Variants in ALKAL2 observed in about 807,000 individuals in gnomAD.
ALKAL2 encodes the protein AUG-alpha.
A neutral mutation model predicts 18.5 loss-of-function variants in ALKAL2; 8 were observed. The ratio of observed to expected loss-of-function variants is 0.43; its 90% CI spans 0.25 to 0.78. The LOEUF (loss-of-function observed/expected upper bound fraction) is 0.78. ALKAL2 is among the 30% of genes least tolerant of loss of function. The pLI, the probability that ALKAL2 is intolerant of heterozygous loss-of-function variation, is 0.22. For synonymous variants in ALKAL2, 135 were observed against 95.8 expected, an observed-to-expected ratio of 1.41 and a Z score of -2.39; for missense variants, 241 against 211.2, an observed-to-expected ratio of 1.14 and a Z score of -0.88.
Position 280,160 on chromosome 2 carries a change from CAA to C in ALKAL2, c.454-10_454-9del. The C allele has an allele frequency of 6.2e-7, 1 of 1,613,970 alleles. No individual in the cohort carries two copies. The highest frequency in any genetic ancestry group is 1.1e-5 in the South Asian group (1 of 91,082). On this transcript the variant is annotated splice_polypyrimidine_tract_variant and intron_variant, in intron 5 of 5. Coordinates refer to ENST00000403610, the MANE Select transcript of ALKAL2 (RefSeq NM_001002919.3). ...TGTACGGTCTGCTCACTGCTGAAAA[CAA>C]ATACATTGCGTGTGATATGACTATC...
At chr2:283,000 T>C (rs989129566) in intron 5 of ALKAL2, 111 bp downstream of exon 5, 2 of 1,130,724 alleles carry the variant, frequency 1.8e-6, no homozygotes, top group Non-Finnish European at 2.5e-6. Context: ...ACTTAGAATA[T>C]GGCTACTTCA....
At chr2:282,435 G>A (rs899988992) in intron 5 of ALKAL2, among the ~76,000 whole-genome samples, 1 of 152,240 alleles carries the variant, frequency 6.6e-6, no homozygotes, top group Non-Finnish European at 1.5e-5. Flanking sequence ...TATAAAATTG[G>A]TGAAATTACA....
intron 5 of ALKAL2, among the ~76,000 whole-genome samples, chr2:282,017 T>C (rs971536387): frequency 6.6e-6 from 1 of 152,126 alleles, no homozygotes; most frequent in Non-Finnish European, 1.5e-5. Context: ...AAAAGTGCAG[T>C]GAAACTGTGC....
chr2:283,979 C>T (rs188974190), intron 4 of ALKAL2, among the ~76,000 whole-genome samples: 15 of 152,302 alleles, frequency 9.8e-5, no homozygotes, highest in Admixed American at 3.9e-4. Flanking sequence ...TCCAAAAATA[C>T]GCCTCCTAAA....
chr2:287,938 G>A, intron 1 of ALKAL2, 46 bp from the exon 2 acceptor site: 2 of 1,231,916 alleles, frequency 1.6e-6, no homozygotes. Flanking sequence ...GTCAGCGGGG[G>A]AGGGGGACGG....
chr2:286,281 A>G lies in ALKAL2; in HGVS notation c.307+9T>C, dbSNP rs1300107137. 4 of 1,612,016 alleles carry G rather than the reference A, an allele frequency of 2.5e-6. No individual in the cohort carries two copies. Among genetic ancestry groups the G allele is most frequent in the Non-Finnish European group, 3.4e-6 (4 of 1,179,008 alleles). On this transcript the variant is annotated intron_variant, in intron 3 of 5. Transcript: ENST00000403610. ...TCTGGGAGACGTGAGGAACGAGGAG[A>G]AAACTTACCTGTAAGGTGTTTTAGA...
rs749325711 is a variant in ALKAL2 at position 286,346 on chromosome 2, G to C, written c.254-3C>G. ...CCTCAGATCTCGAGGAACAATTTCT[G>C]TTTCAGGGAAAAGAAAGTATTATAT... is the stretch of plus-strand genomic sequence containing the variant. On this transcript the variant is annotated splice_polypyrimidine_tract_variant and splice_region_variant and intron_variant, in intron 2 of 5. Transcript: ENST00000403610. 2 of 1,606,630 alleles carry C rather than the reference G, an allele frequency of 1.2e-6. No individual in the cohort carries two copies. The highest frequency in any genetic ancestry group is 1.7e-6 in the Non-Finnish European group (2 of 1,175,508).
chr2:284,301 T>C lies in ALKAL2; in HGVS notation c.389-1126A>G, dbSNP rs188270006. The stretch of plus-strand genomic sequence containing the variant: ...GCAGACCAATCATCTGGGGATCTTA[T>C]TAAAATGCAGATTTTGTTCAACAAG... On this transcript the variant is annotated intron_variant, in intron 4 of 5. Coordinates refer to ENST00000403610, the MANE Select transcript of ALKAL2 (RefSeq NM_001002919.3). Among the ~76,000 whole-genome samples, 6 of 152,314 alleles carry C rather than the reference T, an allele frequency of 3.9e-5. No individual in the cohort carries two copies. In the East Asian group the frequency reaches 7.7e-4, roughly 20 times the overall value.
intron 5 of ALKAL2, among the ~76,000 whole-genome samples, chr2:281,238 A>C (rs1207896116): frequency 6.6e-6 from 1 of 152,212 alleles, no homozygotes; most frequent in Non-Finnish European, 1.5e-5. Flanking sequence ...AAAAAATAGG[A>C]GTTATGAAAT....
rs368085143 is a variant in ALKAL2 at position 286,315 on chromosome 2, C to G, written c.282G>C (p.Lys94Asn). ...CTGTAAGGTGTTTTAGAAACTTGTC[C>G]TTCATCCTCAGATCTCGAGGAACAA... ...VEIVPRDLRM[K>N]DKFLKHLTGP... The change falls in exon 3 of 6, where the codon AAG (lysine) becomes AAC (asparagine). Residue 94 changes from lysine to asparagine, a missense_variant. By Grantham distance (94) the Lys-to-Asn change is moderately conservative. Transcript: ENST00000403610. The G allele has an allele frequency of 1.2e-6, 2 of 1,612,482 alleles. No individual in the cohort carries two copies. The highest frequency in any genetic ancestry group is 2.2e-5 in the South Asian group (2 of 90,596).
chr2:283,372 C>G, intron 4 of ALKAL2, 197 bp from the exon 5 acceptor site: 1 of 985,416 alleles, frequency 1.0e-6, no homozygotes. Context: ...AGGGCTTGAG[C>G]TTCAATGGCA....
intron 5 of ALKAL2, 106 bp downstream of exon 5, chr2:283,005 A>C (rs577476692): frequency 8.5e-7 from 1 of 1,170,922 alleles, no homozygotes; most frequent in African/African-American, 1.5e-5. Flanking sequence ...GAATATGGCT[A>C]CTTCAGCCAA....
Position 280,092 on chromosome 2 carries a change from T to C in ALKAL2, c.*55A>G. The C allele has an allele frequency of 6.2e-7, 1 of 1,610,158 alleles. No individual in the cohort carries two copies. The stretch of plus-strand genomic sequence containing the variant: ...GTATAAAGATAGTTCTGTTTCCCTG[T>C]TGGTTTCCAAGGCACTTCTCATGGC... On this transcript the variant is annotated 3_prime_UTR_variant, in exon 6 of 6. Coordinates refer to ENST00000403610, the MANE Select transcript of ALKAL2 (RefSeq NM_001002919.3).
chr2:286,577 C>A, intron 2 of ALKAL2: 1 of 482,642 alleles, frequency 2.1e-6, no homozygotes, highest in Non-Finnish European at 3.6e-6. Flanking sequence ...AGGATTATGT[C>A]GGCTGTCTAC....
intron 5 of ALKAL2, among the ~76,000 whole-genome samples, chr2:280,740 A>G (rs1330088884): frequency 6.6e-6 from 1 of 152,208 alleles, no homozygotes; most frequent in Non-Finnish European, 1.5e-5. Context: ...AATGAAGTGT[A>G]TCTGTGACTG....
At chr2:280,819 G>A (rs7605824) in intron 5 of ALKAL2, among the ~76,000 whole-genome samples, 45,258 of 152,166 alleles carry the variant, frequency 0.3, 7,025 homozygotes, top group Non-Finnish European at 0.35. Flanking sequence ...TTCAGAACGC[G>A]GCAAATGGAT....
intron 5 of ALKAL2, among the ~76,000 whole-genome samples, chr2:281,115 C>T: frequency 6.6e-6 from 1 of 152,250 alleles, no homozygotes; most frequent in Non-Finnish European, 1.5e-5. Context: ...TGTATCTACA[C>T]TGTGGTGACC....
chr2:287,438 T>C (rs1255494552), intron 2 of ALKAL2, 145 bp downstream of exon 2: 1 of 627,526 alleles, frequency 1.6e-6, no homozygotes, highest in East Asian at 3.7e-5. Flanking sequence ...TGCTGCTATT[T>C]TCTTTTTCTT....
chr2:286,071 C>A, intron 4 of ALKAL2, 52 bp downstream of exon 4: 3 of 1,504,176 alleles, frequency 2.0e-6, no homozygotes, highest in Non-Finnish European at 2.8e-6. Context: ...AAGAGGGGAA[C>A]CGCTGCCTGC....
Sources: allele counts gnomAD v4.1 joint callset (sites outside exome capture counted in the v4.1 genomes callset), GRCh38; gene constraint gnomAD v4.1.1; transcripts MANE v1.5; gene names NCBI Gene and HGNC (gene_info 2026-07-23, HGNC 2026-07-21).